Variants in CTNND2 observed in about 807,000 individuals in gnomAD.
The protein encoded by CTNND2 is catenin delta-2.
A neutral mutation model predicts 144.4 loss-of-function variants in CTNND2; 22 were observed. The observed-to-expected ratio is 0.15, with a 90% CI of 0.11 to 0.22. CTNND2 has a LOEUF of 0.22. Among genes scored for constraint, CTNND2 ranks in the 10% least tolerant of loss-of-function variants. The pLI is 1.00. For synonymous variants in CTNND2, 751 were observed against 695.6 expected, an observed-to-expected ratio of 1.08 and a Z score of -1.25; for missense variants, 1,353 against 1,618.8, an observed-to-expected ratio of 0.84 and a Z score of 2.82.
intron 1 of CTNND2, among the ~76,000 whole-genome samples, chr5:11,739,594 T>C (rs935322537): frequency 6.6e-6 from 1 of 152,158 alleles, no homozygotes; most frequent in Non-Finnish European, 1.5e-5. Context: ...AATATCACAC[T>C]GAATGGGCAA....
At chr5:11,157,816 C>T (rs1758366642) in intron 12 of CTNND2, among the ~76,000 whole-genome samples, 1 of 152,154 alleles carries the variant, frequency 6.6e-6, no homozygotes, top group Non-Finnish European at 1.5e-5. Context: ...CACTCCTGGC[C>T]AGCAGCAGAA....
intron 3 of CTNND2, among the ~76,000 whole-genome samples, chr5:11,431,239 AG>A (rs1244691619): frequency 9.2e-5 from 14 of 152,154 alleles, no homozygotes; most frequent in Non-Finnish European, 1.8e-4. Context: ...ACACTCTTAG[AG>A]GTGAACTCAG....
chr5:11,518,916 T>A (rs147621936), intron 3 of CTNND2, among the ~76,000 whole-genome samples: 34 of 152,310 alleles, frequency 2.2e-4, no homozygotes, highest in Non-Finnish European at 4.9e-4. Context: ...GAATGACACA[T>A]GACTGTACTT....
At chr5:11,649,146 T>C (rs1350622484) in intron 2 of CTNND2, among the ~76,000 whole-genome samples, 1 of 152,214 alleles carries the variant, frequency 6.6e-6, no homozygotes, top group Non-Finnish European at 1.5e-5. Flanking sequence ...TTTATTTACA[T>C]AGGTAATCAA....
At chr5:11,126,441 C>A (rs559147088) in intron 12 of CTNND2, among the ~76,000 whole-genome samples, 3 of 152,266 alleles carry the variant, frequency 2.0e-5, no homozygotes, top group Admixed American at 6.5e-5. Context: ...TTAGAGGAAT[C>A]ATTCTAGGAA....
intron 14 of CTNND2, among the ~76,000 whole-genome samples, chr5:11,109,354 CAT>C (rs1752721785): frequency 6.6e-6 from 1 of 151,852 alleles, no homozygotes; most frequent in Non-Finnish European, 1.5e-5. Flanking sequence ...ATTTTTGTAT[CAT>C]ATATTTTCTA....
chr5:11,466,098 C>T (rs552798640), intron 3 of CTNND2, among the ~76,000 whole-genome samples: 2 of 152,142 alleles, frequency 1.3e-5, no homozygotes, highest in Non-Finnish European at 2.9e-5. Flanking sequence ...CAACCTTGGA[C>T]TCAAGCAATC....
intron 1 of CTNND2, among the ~76,000 whole-genome samples, chr5:11,765,605 A>C (rs1359881200): frequency 6.6e-6 from 1 of 152,212 alleles, no homozygotes; most frequent in East Asian, 1.9e-4. Flanking sequence ...ATATTTTGGA[A>C]ATATTAAAAA....
intron 1 of CTNND2, among the ~76,000 whole-genome samples, chr5:11,783,166 T>C (rs776731048): frequency 6.6e-6 from 1 of 152,142 alleles, no homozygotes; most frequent in Non-Finnish European, 1.5e-5. Flanking sequence ...GGCTCCCCAG[T>C]CACCCTAAGG....
chr5:11,207,413 G>A (rs1362196880), intron 10 of CTNND2, among the ~76,000 whole-genome samples: 1 of 151,466 alleles, frequency 6.6e-6, no homozygotes, highest in Non-Finnish European at 1.5e-5. Flanking sequence ...TACATTCAAG[G>A]CCTCATGTTA....
At chr5:11,662,541 G>A (rs1294475728) in intron 2 of CTNND2, among the ~76,000 whole-genome samples, 1 of 151,984 alleles carries the variant, frequency 6.6e-6, no homozygotes, top group Non-Finnish European at 1.5e-5. Context: ...GTTGGCAGCT[G>A]ATAAAATGGT....
intron 3 of CTNND2, among the ~76,000 whole-genome samples, chr5:11,511,829 C>T (rs1057179896): frequency 3.9e-5 from 6 of 152,162 alleles, no homozygotes; most frequent in Non-Finnish European, 4.4e-5. Flanking sequence ...CACCTATGCA[C>T]TACAAACACG....
chr5:11,393,210 T>C (rs146121614), intron 6 of CTNND2, among the ~76,000 whole-genome samples: 98 of 152,332 alleles, frequency 6.4e-4, no homozygotes, highest in African/African-American at 2.2e-3. Flanking sequence ...AAAAAGTGTA[T>C]TGCTTTTCTA....
chr5:11,792,182 T>A (rs764284973), intron 1 of CTNND2, among the ~76,000 whole-genome samples: 3 of 152,182 alleles, frequency 2.0e-5, no homozygotes, highest in Non-Finnish European at 4.4e-5. Flanking sequence ...CCAAACCCAA[T>A]GCTCTAATTA....
rs372357609 is a variant in CTNND2, at chr5:10,996,594, GATTT to G, written c.3085-3921_3085-3918del. Among the ~76,000 whole-genome samples the G allele has an allele frequency of 3.2e-3, 490 of 152,104 alleles. 5 individuals carry two copies. The highest frequency in any genetic ancestry group is 0.011 in the African/African-American group (453 of 41,506). Reference sequence around the variant, plus strand: ...CGAAACGGACACAGGGGATTTTGCTGATTTATTTATTTATTTTTCTTTTGAGACA... The same window carrying G: ...CGAAACGGACACAGGGGATTTTGCTGATTTATTTATTTTTCTTTTGAGACA... On this transcript the variant is annotated intron_variant, in intron 18 of 21. Coordinates refer to ENST00000304623, the MANE Select transcript of CTNND2 (RefSeq NM_001332.4).
intron 1 of CTNND2, among the ~76,000 whole-genome samples, chr5:11,766,587 A>T (rs1484620959): frequency 1.3e-5 from 2 of 152,156 alleles, no homozygotes; most frequent in Non-Finnish European, 2.9e-5. Flanking sequence ...CTGTAAGTCC[A>T]CTAAACCTCT....
chr5:11,356,878 T>G (rs968003683), intron 8 of CTNND2, among the ~76,000 whole-genome samples: 2 of 151,134 alleles, frequency 1.3e-5, no homozygotes, highest in African/African-American at 2.4e-5. Flanking sequence ...AGACCTTACT[T>G]GACATTTCTC....
At chr5:11,706,396 CCA>C (rs1268086985) in intron 2 of CTNND2, among the ~76,000 whole-genome samples, 1 of 152,132 alleles carries the variant, frequency 6.6e-6, no homozygotes, top group East Asian at 1.9e-4. Context: ...CTTCTCAACA[CCA>C]GTGCTTTCCA....
intron 18 of CTNND2, among the ~76,000 whole-genome samples, chr5:11,005,530 G>C (rs527308864): frequency 6.6e-6 from 1 of 152,244 alleles, no homozygotes; most frequent in South Asian, 2.1e-4. Flanking sequence ...GACATAGTTG[G>C]GTATGGGAGA....
Sources: gnomAD v4.1 joint callset for allele counts (sites outside exome capture counted in the v4.1 genomes callset) on GRCh38, gnomAD v4.1.1 for gene constraint, MANE v1.5 for transcripts, NCBI Gene and HGNC (gene_info 2026-07-23, HGNC 2026-07-21) for gene names.